LSM7: variants seen among roughly 807,000 people sequenced by gnomAD.
The protein encoded by LSM7 is U6 snRNA-associated Sm-like protein LSm7.
Under a neutral mutation model 14.1 loss-of-function variants are expected in LSM7, and 13 were observed. The ratio of observed to expected loss-of-function variants is 0.92; its 90% CI spans 0.60 to 1.47. LSM7 has a LOEUF of 1.47. Ranked by LOEUF, LSM7 falls within the 40% of genes most tolerant of loss-of-function variation. LSM7 has a pLI of 0.00. For missense variants in LSM7, 108 were observed against 140.8 expected (o/e 0.77, Z 1.18); for synonymous variants, 70 against 57.1 (o/e 1.23, Z -1.02).
intron 3 of LSM7, among the ~76,000 whole-genome samples, chr19:2,323,306 G>A (rs1429137935): frequency 1.3e-5 from 2 of 152,142 alleles, no homozygotes; most frequent in Non-Finnish European, 2.9e-5. Flanking sequence ...GGAGCCCCAC[G>A]GCACGCTCAC....
At chr19:2,328,233 GC>G (rs1312753104) in intron 2 of LSM7, 153 bp downstream of exon 2, 1 of 661,700 alleles carries the variant, frequency 1.5e-6, no homozygotes, top group Non-Finnish European at 2.5e-6. Flanking sequence ...TCGCACCACT[GC>G]ACTCCAGCCC....
chr19:2,324,372 C>T, intron 2 of LSM7, 176 bp from the exon 3 acceptor site: 1 of 607,360 alleles, frequency 1.6e-6, no homozygotes, highest in South Asian at 1.9e-5. Context: ...ATCTCCACCA[C>T]AGGCAGCAGA....
chr19:2,324,413 C>A, intron 2 of LSM7: 2 of 559,006 alleles, frequency 3.6e-6, no homozygotes, highest in Non-Finnish European at 6.5e-6. Flanking sequence ...ATGGCAAACA[C>A]TTCTGGCCGT....
intron 2 of LSM7, among the ~76,000 whole-genome samples, chr19:2,327,693 C>T (rs1160068579): frequency 1.3e-5 from 2 of 152,174 alleles, no homozygotes; most frequent in Admixed American, 1.3e-4. Flanking sequence ...TGAGCCGCCC[C>T]GTCCGGCTGG....
intron 2 of LSM7, among the ~76,000 whole-genome samples, chr19:2,326,760 G>A (rs888522159): frequency 1.3e-5 from 2 of 152,174 alleles, no homozygotes; most frequent in Non-Finnish European, 1.5e-5. Context: ...GTGAGCCCCC[G>A]CACCCGGCCC....
intron 3 of LSM7, among the ~76,000 whole-genome samples, chr19:2,323,287 C>T (rs973024941): frequency 2.0e-5 from 3 of 152,162 alleles, no homozygotes; most frequent in South Asian, 2.1e-4. Flanking sequence ...AGAGGAAAGG[C>T]GCCCGAGAGG....
chr19:2,326,585 C>T (rs1968023311), intron 2 of LSM7, among the ~76,000 whole-genome samples: 5 of 152,244 alleles, frequency 3.3e-5, no homozygotes, highest in Admixed American at 3.3e-4. Context: ...ATCTGCCCGC[C>T]TCAGCCTCCC....
At chr19:2,327,469 C>G (rs1165460904) in intron 2 of LSM7, among the ~76,000 whole-genome samples, 2 of 152,108 alleles carry the variant, frequency 1.3e-5, no homozygotes, top group African/African-American at 4.8e-5. Flanking sequence ...TCTTGATCTC[C>G]TGACCTCCTG....
chr19:2,326,584 C>T (rs1018225780), intron 2 of LSM7, among the ~76,000 whole-genome samples: 15 of 152,230 alleles, frequency 9.9e-5, no homozygotes, highest in Non-Finnish European at 1.6e-4. Context: ...GATCTGCCCG[C>T]CTCAGCCTCC....
At chr19:2,323,401 G>A (rs1967963459) in intron 3 of LSM7, among the ~76,000 whole-genome samples, 1 of 152,196 alleles carries the variant, frequency 6.6e-6, no homozygotes, top group Non-Finnish European at 1.5e-5. Flanking sequence ...GCAGGAGGAT[G>A]GCTTGAGCCC....
intron 2 of LSM7, chr19:2,326,264 C>T: frequency 6.6e-6 from 1 of 151,976 alleles, no homozygotes; most frequent in Non-Finnish European, 1.5e-5. Context: ...CCTGGGTGGG[C>T]CTGACTGCAT....
chr19:2,325,501 AGGAAGCAGGCACCACCAATCTCG>A (rs575114914), intron 2 of LSM7, among the ~76,000 whole-genome samples: 86 of 152,108 alleles, frequency 5.7e-4, no homozygotes, highest in South Asian at 1.0e-3. Flanking sequence ...CGCCAATCTC[AGGAAGCAGGCACCACCAATCTCG>A]GGAAGCAGGC....
intron 2 of LSM7, chr19:2,327,932 C>T (rs1004487673): frequency 1.8e-5 from 3 of 163,316 alleles, no homozygotes; most frequent in Admixed American, 1.2e-4. Flanking sequence ...GAGTTACCAG[C>T]CCCATTTGAC....
chr19:2,323,983 G>A, intron 3 of LSM7, 142 bp downstream of exon 3: 2 of 745,264 alleles, frequency 2.7e-6, no homozygotes, highest in South Asian at 1.7e-5. Flanking sequence ...TAACTCAGAG[G>A]TTTTGTGGGT....
In LSM7 at chr19:2,327,164, AG is replaced by A. The variant is rs1215063101; in HGVS notation, c.97+1222del. ...ATTTGCTATGAAGGGCAGAAAACAAAGGGAAGCAGTGTGACCAGCAAGAGCG... is the reference window on the plus strand; with the variant it reads ...ATTTGCTATGAAGGGCAGAAAACAAAGGAAGCAGTGTGACCAGCAAGAGCG... On this transcript the variant is annotated intron_variant, in intron 2 of 3. Coordinates refer to ENST00000252622, the MANE Select transcript of LSM7 (RefSeq NM_016199.3). Among the ~76,000 whole-genome samples, 3 of 152,372 alleles carry A rather than the reference AG, an allele frequency of 2.0e-5. No homozygotes were observed. In the East Asian group the frequency reaches 5.8e-4, roughly 29 times the overall value.
intron 2 of LSM7, chr19:2,324,416 C>T (rs766174657): frequency 1.8e-5 from 10 of 556,586 alleles, no homozygotes; most frequent in Non-Finnish European, 2.0e-5. Flanking sequence ...GCAAACACTT[C>T]TGGCCGTGTG....
At position 2,321,521 on chromosome 19, in the gene LSM7, T is replaced by C. The variant is rs1165359380; in HGVS notation, c.*159A>G. 2.6e-6 allele frequency: 2 copies of C among 783,158 alleles called. No homozygotes were observed. Among genetic ancestry groups the C allele is most frequent in the Non-Finnish European group, 3.7e-6 (2 of 543,908 alleles). The allele number at this position is 783,158 out of a possible 1,614,324, so 48.5% of individuals were successfully genotyped here. A position where few individuals can be genotyped will look rare whatever the true frequency, so the allele number is the denominator to read the frequency against. ...AAGCAAGATTCGGGGCTCAGACACA[T>C]TGAGGTTTGCAATTTTATTAAGAAA... On this transcript the variant is annotated 3_prime_UTR_variant, in exon 4 of 4. Transcript: ENST00000252622. The surrounding 1 kb of genome is among the most constrained non-coding windows in gnomAD (Gnocchi z 5.0).
chr19:2,325,636 G>A lies in LSM7; in HGVS notation c.98-1440C>T, dbSNP rs1471777402. Among the ~76,000 whole-genome samples, 4 of 142,046 alleles carry A rather than the reference G, an allele frequency of 2.8e-5. No individual in the cohort carries two copies. The East Asian group carries it at 6.1e-4, about 22-fold the overall frequency. 93.2% of individuals were successfully genotyped at this position (142,046 alleles called of 152,430 possible). ...CGTCCACGGCTGCTCCACACACACCGAGGGCCGCCCTGTGCGGTGGTGCGG... is the reference window on the plus strand; with the variant it reads ...CGTCCACGGCTGCTCCACACACACCAAGGGCCGCCCTGTGCGGTGGTGCGG... On this transcript the variant is annotated intron_variant, in intron 2 of 3. Transcript: ENST00000252622.
Position 2,328,368 on chromosome 19 carries a change from A to G in LSM7, c.97+19T>C. 6.2e-7 allele frequency: 1 copy of G among 1,611,256 alleles called. No individual in the cohort carries two copies. The highest frequency in any genetic ancestry group is 8.5e-7 in the Non-Finnish European group (1 of 1,177,758). On this transcript the variant is annotated intron_variant, in intron 2 of 3. Coordinates refer to ENST00000252622, the MANE Select transcript of LSM7 (RefSeq NM_016199.3). ...TGAAATTTTTAAAGAGGGGGTACCG[A>G]CAGCGGGAGCCTCCTCACCTTCGCG... is the stretch of plus-strand genomic sequence containing the variant.
Sources: allele counts gnomAD v4.1 joint callset (sites outside exome capture counted in the v4.1 genomes callset), GRCh38; gene constraint gnomAD v4.1.1; non-coding constraint Gnocchi (gnomAD v3.1); transcripts MANE v1.5; gene names NCBI Gene and HGNC (gene_info 2026-07-23, HGNC 2026-07-21).